Variants in KANK1 observed in about 807,000 individuals in gnomAD.
KANK1 encodes KN motif and ankyrin repeat domains 1, also known as KN motif and ankyrin repeat domain-containing protein 1.
A neutral mutation model predicts 106.2 loss-of-function variants in KANK1; 109 were observed. The ratio of observed to expected loss-of-function variants is 1.03; its 90% CI spans 0.88 to 1.20. KANK1 has a LOEUF of 1.20. Among genes scored for constraint, KANK1 ranks in the 50% most tolerant of loss-of-function variants. KANK1 has a pLI of 0.00. For missense variants in KANK1, 2,399 were observed against 1,710.7 expected (o/e 1.40, Z -7.10); for synonymous variants, 873 against 652.2 (o/e 1.34, Z -5.16).
At chr9:573,722 C>T (rs747662437) in intron 1 of KANK1, among the ~76,000 whole-genome samples, 1 of 151,256 alleles carries the variant, frequency 6.6e-6, no homozygotes, top group Admixed American at 6.6e-5. Flanking sequence ...AACACTCCCA[C>T]CCCCACCTCA....
At chr9:601,362 C>G (rs1213319641) in intron 1 of KANK1, among the ~76,000 whole-genome samples, 4 of 151,888 alleles carry the variant, frequency 2.6e-5, no homozygotes, top group Non-Finnish European at 5.9e-5. Flanking sequence ...CCAAGATCCA[C>G]ATTGTATTGA....
intron 5 of KANK1, 83 bp downstream of exon 5, chr9:731,349 C>A: frequency 1.3e-6 from 1 of 761,108 alleles, no homozygotes; most frequent in East Asian, 2.8e-5. Flanking sequence ...GGCGCCTAGT[C>A]GGGGAAGCGG....
chr9:675,800 T>C (rs963290154), intron 1 of KANK1, among the ~76,000 whole-genome samples: 3 of 152,194 alleles, frequency 2.0e-5, no homozygotes, highest in African/African-American at 7.2e-5. Context: ...GGCTACTCCA[T>C]AGGCAGAGCA....
intron 1 of KANK1, among the ~76,000 whole-genome samples, chr9:645,147 G>C (rs1023536840): frequency 4.9e-5 from 4 of 82,232 alleles, no homozygotes; most frequent in Admixed American, 3.9e-4. Flanking sequence ...AAAAAAAAAA[G>C]AATTAGGCTT....
chr9:649,135 A>G (rs1588564361), intron 1 of KANK1, among the ~76,000 whole-genome samples: 1 of 152,262 alleles, frequency 6.6e-6, no homozygotes, highest in East Asian at 1.9e-4. Context: ...GCATATAAGG[A>G]TATATGTAAG....
chr9:532,808 C>G (rs900980796), intron 1 of KANK1, among the ~76,000 whole-genome samples: 1 of 152,004 alleles, frequency 6.6e-6, no homozygotes, highest in African/African-American at 2.4e-5. Flanking sequence ...GAGTGTGGAT[C>G]GAAGATTTTC....
At position 745,209 on chromosome 9, in the gene KANK1, C is replaced by A. The variant is rs531736436; in HGVS notation, c.4033C>A (p.Pro1345Thr). 27 of 1,614,046 alleles carry A rather than the reference C, an allele frequency of 1.7e-5. No homozygotes were observed. In the South Asian group the frequency reaches 2.3e-4, roughly 14 times the overall value. ...PRLGRKTSPGPTHRGSFD is the reference protein window; with the variant it reads ...PRLGRKTSPGTTHRGSFD ...GCTTGGAAGGAAGACGTCTCCTGGC[C>A]CCACCCACCGAGGTTCATTTGATTG... Residue 1345 changes from proline to threonine, a missense_variant, in exon 12 of 12, where the codon CCC becomes ACC. Coordinates refer to ENST00000382297, the MANE Select transcript of KANK1 (RefSeq NM_015158.5).
intron 1 of KANK1, among the ~76,000 whole-genome samples, chr9:640,402 A>T (rs1324948248): frequency 2.1e-5 from 3 of 143,176 alleles, no homozygotes; most frequent in Admixed American, 1.4e-4. Flanking sequence ...CGCCCAGCTA[A>T]TTTTTTTTTT....
intron 2 of KANK1, chr9:684,458 AC>A: frequency 1.8e-5 from 18 of 985,400 alleles, no homozygotes; most frequent in Non-Finnish European, 2.2e-5. Context: ...TGTGTTAAGA[AC>A]TCGAGCTGTT....
chr9:735,763 G>A (rs766909573), intron 7 of KANK1: 4 of 436,154 alleles, frequency 9.2e-6, no homozygotes, highest in South Asian at 3.2e-5. Flanking sequence ...GGAGGCCGAT[G>A]CAGGTGGATC....
intron 3 of KANK1, among the ~76,000 whole-genome samples, chr9:483,312 G>A (rs2058238850): frequency 6.6e-6 from 1 of 152,064 alleles, no homozygotes; most frequent in Non-Finnish European, 1.5e-5. Context: ...AATCATCTGG[G>A]GGCACTAATA....
intron 1 of KANK1, among the ~76,000 whole-genome samples, chr9:629,695 C>T (rs1216070038): frequency 6.6e-6 from 1 of 152,336 alleles, no homozygotes; most frequent in South Asian, 2.1e-4. Flanking sequence ...CAGTGCCTCA[C>T]AGTTGTAACC....
intron 2 of KANK1, among the ~76,000 whole-genome samples, chr9:682,069 C>G (rs113099500): frequency 2.3e-4 from 35 of 152,170 alleles, no homozygotes; most frequent in African/African-American, 7.5e-4. Flanking sequence ...CACCTGAGGT[C>G]AGGAGCTCGA....
intron 1 of KANK1, chr9:539,746 C>G (rs1476975444): frequency 6.6e-6 from 1 of 152,174 alleles, no homozygotes; most frequent in Non-Finnish European, 1.5e-5. Flanking sequence ...CTTGGCTTCC[C>G]AAAGTGCTAG....
chr9:743,446 T>C (rs1836246265), intron 10 of KANK1, among the ~76,000 whole-genome samples: 1 of 152,196 alleles, frequency 6.6e-6, no homozygotes, highest in Non-Finnish European at 1.5e-5. Context: ...TTGTTAGCTG[T>C]GCTGTGGTTT....
rs1039344601 is a variant in KANK1 at position 616,579 on chromosome 9, T to C, written c.-83-60311T>C. Among the ~76,000 whole-genome samples the C allele has an allele frequency of 7.9e-5, 12 of 152,316 alleles. No homozygotes were observed. The Middle Eastern group carries it at 0.01, about 130-fold the overall frequency. On this transcript the variant is annotated intron_variant, in intron 1 of 11. Transcript: ENST00000382297. Reference sequence around the variant, plus strand: ...ATTTCTGAATACTTTATATCCTCTATCCTTCCATCCAGGCTTGGCTTTACT... The same window carrying C: ...ATTTCTGAATACTTTATATCCTCTACCCTTCCATCCAGGCTTGGCTTTACT...
intron 1 of KANK1, among the ~76,000 whole-genome samples, chr9:635,358 A>T (rs961739471): frequency 1.3e-5 from 2 of 152,116 alleles, no homozygotes; most frequent in East Asian, 3.9e-4. Flanking sequence ...TGTGAAGGTC[A>T]TATCTCTCTA....
At chr9:688,357 A>G (rs941275213) in intron 2 of KANK1, among the ~76,000 whole-genome samples, 20 of 152,152 alleles carry the variant, frequency 1.3e-4, no homozygotes, top group Admixed American at 9.2e-4. Context: ...TGTAATCCCA[A>G]CACTTTGGGA....
At chr9:721,336 A>C (rs1341458272) in intron 3 of KANK1, among the ~76,000 whole-genome samples, 2 of 152,204 alleles carry the variant, frequency 1.3e-5, no homozygotes, top group African/African-American at 4.8e-5. Flanking sequence ...GCACAAATAA[A>C]TTCTTGGCTG....
Sources: gnomAD v4.1 joint callset for allele counts (sites outside exome capture counted in the v4.1 genomes callset) on GRCh38, gnomAD v4.1.1 for gene constraint, MANE v1.5 for transcripts, NCBI Gene and HGNC (gene_info 2026-07-23, HGNC 2026-07-21) for gene names.